The following ZNF254 variants were observed in gnomAD, a reference collection of about 807,000 sequenced individuals.
The protein encoded by ZNF254 is CTD-2017D11.1.
A neutral mutation model predicts 12.4 loss-of-function variants in ZNF254; 10 were observed. The ratio of observed to expected loss-of-function variants is 0.80; its 90% CI spans 0.50 to 1.36. The LOEUF is 1.36. ZNF254 is among the 40% of genes most tolerant of loss of function. The pLI is 0.00. For synonymous variants in ZNF254, 305 were observed against 253.4 expected (o/e 1.20, Z -1.93); for missense variants, 996 against 763.9 (o/e 1.30, Z -3.58).
At chr19:24,116,597 C>G (rs552651093) in intron 3 of ZNF254, among the ~76,000 whole-genome samples, 8 of 142,822 alleles carry the variant, frequency 5.6e-5, no homozygotes, top group African/African-American at 2.3e-4. Context: ...ATACATTTGT[C>G]TAAATTTTTT....
intron 2 of ZNF254, among the ~76,000 whole-genome samples, chr19:24,061,978 G>A (rs796962709): frequency 1.3e-4 from 20 of 151,894 alleles, no homozygotes; most frequent in African/African-American, 3.4e-4. Flanking sequence ...CCAGCTACTC[G>A]GGAGGCTGAG....
At chr19:24,049,706 A>C (rs970900821) in intron 2 of ZNF254, among the ~76,000 whole-genome samples, 1 of 150,930 alleles carries the variant, frequency 6.6e-6, no homozygotes, top group African/African-American at 2.4e-5. Context: ...AGGTTATGTG[A>C]CTCTTCTGCC....
At chr19:24,052,488 C>T (rs1970686875) in intron 2 of ZNF254, among the ~76,000 whole-genome samples, 1 of 151,936 alleles carries the variant, frequency 6.6e-6, no homozygotes, top group Non-Finnish European at 1.5e-5. Context: ...CCCCTTTTTG[C>T]CTGCACCCTG....
rs1254205674 is a variant in ZNF254 at position 24,127,165 on chromosome 19, C to T, written c.1165C>T (p.Gln389Ter). The change falls in exon 4 of 4, where the codon CAA becomes TAA. Residue 389 changes from glutamine (Q) to a stop codon, truncating the protein, a stop_gained. Transcript: ENST00000357002. LOFTEE classifies it low-confidence loss of function (END_TRUNC). Reference protein sequence around the residue: ...KCLECGKAFKQLSTLTTHKII... With the variant: ...KCLECGKAFK ...CTTAGAATGTGGCAAAGCTTTTAAG[C>T]AACTCTCAACTCTTACTACACATAA... 6.8e-6 allele frequency: 11 copies of T among 1,612,522 alleles called. No individual in the cohort carries two copies. The Middle Eastern group carries it at 5.0e-4, about 73-fold the overall frequency.
At chr19:24,108,520 G>A (rs561768357) in intron 3 of ZNF254, among the ~76,000 whole-genome samples, 2 of 152,196 alleles carry the variant, frequency 1.3e-5, no homozygotes, top group South Asian at 2.1e-4. Flanking sequence ...TTGATCTGGG[G>A]TATTGTAACA....
intron 2 of ZNF254, among the ~76,000 whole-genome samples, chr19:24,081,036 C>A (rs1379582290): frequency 6.6e-6 from 1 of 150,854 alleles, no homozygotes; most frequent in East Asian, 2.0e-4. Context: ...GAGATCATGC[C>A]ACTGCACTCC....
intron 2 of ZNF254, among the ~76,000 whole-genome samples, chr19:24,070,085 G>T (rs370433530): frequency 6.6e-6 from 1 of 152,164 alleles, no homozygotes; most frequent in East Asian, 1.9e-4. Flanking sequence ...CATTTCTAAA[G>T]CTACAAATGA....
intron 2 of ZNF254, among the ~76,000 whole-genome samples, chr19:24,062,782 C>G (rs552058407): frequency 1.3e-5 from 2 of 152,206 alleles, no homozygotes; most frequent in South Asian, 4.1e-4. Flanking sequence ...ACCTTTGTGA[C>G]TGCAACTTCA....
chr19:24,114,832 GA>G (rs1402253601), intron 3 of ZNF254, among the ~76,000 whole-genome samples: 2 of 147,678 alleles, frequency 1.4e-5, no homozygotes, highest in Non-Finnish European at 1.5e-5. Context: ...AAATTTACAA[GA>G]AAAAAACAAC....
intron 1 of ZNF254, among the ~76,000 whole-genome samples, chr19:24,034,190 G>T (rs1323380013): frequency 2.6e-5 from 4 of 152,056 alleles, no homozygotes. Flanking sequence ...CAAGTGATCC[G>T]CCCGCCTCGG....
chr19:24,076,522 C>T (rs1293393296), intron 2 of ZNF254, among the ~76,000 whole-genome samples: 4 of 152,142 alleles, frequency 2.6e-5, no homozygotes, highest in Non-Finnish European at 4.4e-5. Flanking sequence ...CTAAGAATGC[C>T]TAACCTGGGG....
intron 1 of ZNF254, among the ~76,000 whole-genome samples, chr19:24,097,558 G>C (rs1201563187): frequency 1.3e-5 from 2 of 152,032 alleles, no homozygotes; most frequent in Non-Finnish European, 2.9e-5. Flanking sequence ...GAGGTGGGCA[G>C]ATCACCTGAG....
intron 2 of ZNF254, chr19:24,063,912 A>G (rs898273520): frequency 1.3e-5 from 2 of 151,854 alleles, no homozygotes; most frequent in Admixed American, 6.6e-5. Flanking sequence ...TTCTTGACCC[A>G]TTACAATCTC....
chr19:24,095,762 TCTTC>T (rs1972634415), intron 1 of ZNF254, among the ~76,000 whole-genome samples: 1 of 152,252 alleles, frequency 6.6e-6, no homozygotes, highest in South Asian at 2.1e-4. Flanking sequence ...TTTGGGTCCT[TCTTC>T]CTTATCTAGT....
At position 24,127,559 on chromosome 19, in the gene ZNF254, G is replaced by C; in HGVS notation, c.1559G>C (p.Cys520Ser). 1.2e-6 allele frequency: 2 copies of C among 1,613,580 alleles called. No homozygotes were observed. The highest frequency in any genetic ancestry group is 1.7e-6 in the Non-Finnish European group (2 of 1,179,824). Residue 520 changes from cysteine to serine, a missense_variant, in exon 4 of 4, where the codon TGT becomes TCT. By Grantham distance (112) the Cys-to-Ser change is moderately radical. Transcript: ENST00000357002. The stretch of plus-strand genomic sequence containing the variant: ...CATACTGGAGAGAAACCCTACAAAT[G>C]TGAAGAATGTGGCAAAGCCTTTAAC... ...IIHTGEKPYK[C>S]EECGKAFNWS...
At chr19:24,100,929 G>C (rs1441758564) in intron 1 of ZNF254, among the ~76,000 whole-genome samples, 1 of 151,270 alleles carries the variant, frequency 6.6e-6, no homozygotes, top group Non-Finnish European at 1.5e-5. Flanking sequence ...CCAAGTTCAA[G>C]TGATTCTCCT....
intron 3 of ZNF254, among the ~76,000 whole-genome samples, chr19:24,111,792 A>G (rs1951862317): frequency 1.3e-5 from 2 of 149,804 alleles, no homozygotes; most frequent in South Asian, 4.2e-4. Context: ...CCACTTTTTG[A>G]TGGGGTTGTT....
At chr19:24,095,981 G>A (rs2145716967) in intron 1 of ZNF254, among the ~76,000 whole-genome samples, 1 of 150,710 alleles carries the variant, frequency 6.6e-6, no homozygotes, top group African/African-American at 2.4e-5. Context: ...TTTTTAATTT[G>A]AGCATTAAAT....
At chr19:24,043,943 G>T (rs888278332) in intron 1 of ZNF254, among the ~76,000 whole-genome samples, 1 of 152,158 alleles carries the variant, frequency 6.6e-6, no homozygotes, top group African/African-American at 2.4e-5. Flanking sequence ...ATAAATAGGG[G>T]TAAAACGCAA....
Sources: allele counts gnomAD v4.1 joint callset (sites outside exome capture counted in the v4.1 genomes callset), GRCh38; gene constraint gnomAD v4.1.1; transcripts MANE v1.5; gene names NCBI Gene and HGNC (gene_info 2026-07-23, HGNC 2026-07-21).